PWP1: variants seen among roughly 807,000 people sequenced by gnomAD.
PWP1 encodes the protein PWP1 homolog, endonuclein, also known as periodic tryptophan protein 1 homolog.
In PWP1, 47 loss-of-function variants were observed where a neutral mutation model predicts 69.9. That is an observed-to-expected ratio of 0.67 (90% confidence interval 0.53 to 0.86). PWP1 has a LOEUF of 0.86. Ranked by LOEUF, PWP1 falls within the 40% of genes least tolerant of loss-of-function variation. PWP1 has a pLI of 0.00. For missense variants in PWP1, 551 were observed against 608.8 expected, an observed-to-expected ratio of 0.91 and a Z score of 1.00; for synonymous variants, 222 against 208.2, an observed-to-expected ratio of 1.07 and a Z score of -0.57.
chr12:107,712,385 G>C lies in PWP1; in HGVS notation c.*165G>C, dbSNP rs774181037. ...GTGGCACCACAAATATCCGGTCTTT[G>C]TGCTTGCTCTTCAGATGGATGGTTT... On this transcript the variant is annotated 3_prime_UTR_variant, in exon 15 of 15. Coordinates refer to ENST00000412830, the MANE Select transcript of PWP1 (RefSeq NM_007062.3). The C allele has an allele frequency of 9.1e-6, 5 of 549,422 alleles. No individual in the cohort carries two copies. Among genetic ancestry groups the C allele is most frequent in the African/African-American group, 1.9e-5 (1 of 53,088 alleles). 34.0% of individuals were successfully genotyped at this position (549,422 alleles called of 1,614,324 possible).
intron 8 of PWP1, among the ~76,000 whole-genome samples, chr12:107,701,991 CT>C (rs1889721169): frequency 6.6e-6 from 1 of 152,006 alleles, no homozygotes; most frequent in East Asian, 1.9e-4. Flanking sequence ...TTTGTTAAGA[CT>C]TTTTTCCCCA....
chr12:107,703,731 C>T lies in PWP1; in HGVS notation c.950C>T (p.Ser317Phe), dbSNP rs779473784. ...CCATTTGAAGCACAGACTCTGATTT[C>T]TGGCTCATATGATAAGTAAGAAAGC... The part of the protein sequence containing the change: ...FHPFEAQTLI[S>F]GSYDKSVALY... The change falls in exon 10 of 15, where the codon TCT (serine) becomes TTT (phenylalanine). Residue 317 changes from serine (S) to phenylalanine (F), a missense_variant. Coordinates refer to ENST00000412830, the MANE Select transcript of PWP1 (RefSeq NM_007062.3). The T allele has an allele frequency of 6.2e-7, 1 of 1,602,308 alleles. No individual in the cohort carries two copies. The highest frequency in any genetic ancestry group is 8.6e-7 in the Non-Finnish European group (1 of 1,169,376).
At chr12:107,689,271 A>G (rs1889435181) in intron 3 of PWP1, among the ~76,000 whole-genome samples, 2 of 152,204 alleles carry the variant, frequency 1.3e-5, no homozygotes, top group Non-Finnish European at 2.9e-5. Context: ...TGACTTTCAC[A>G]TAACTTTTAT....
In PWP1 at chr12:107,685,956, A is replaced by G; in HGVS notation, c.57A>G (p.Lys19=). The change falls in exon 1 of 15, where the codon AAA becomes AAG. Residue 19 remains lysine (K), a synonymous_variant. Coordinates refer to ENST00000412830, the MANE Select transcript of PWP1 (RefSeq NM_007062.3). ...CCTGGGTCCGCTGCGGCGTGGCCAA[A>G]GAGACACCAGACAAGGTGAGGCCTG... The part of the protein sequence containing the change: ...CVAWVRCGVA[K]ETPDKVELSK... The G allele has an allele frequency of 6.2e-7, 1 of 1,613,946 alleles. No homozygotes were observed. The highest frequency in any genetic ancestry group is 8.5e-7 in the Non-Finnish European group (1 of 1,179,964).
chr12:107,687,683 A>G (rs1303378898), intron 1 of PWP1, among the ~76,000 whole-genome samples: 1 of 151,972 alleles, frequency 6.6e-6, no homozygotes, highest in Admixed American at 6.6e-5. Flanking sequence ...GGAGGATCGC[A>G]TGAGCCCAGG....
intron 14 of PWP1, 32 bp downstream of exon 14, chr12:107,710,542 C>T: frequency 6.5e-7 from 1 of 1,548,776 alleles, no homozygotes; most frequent in Non-Finnish European, 8.7e-7. Context: ...CACACCTCCC[C>T]CTGCCCCTGT....
intron 11 of PWP1, among the ~76,000 whole-genome samples, chr12:107,708,613 C>T (rs904781053): frequency 6.6e-6 from 1 of 152,152 alleles, no homozygotes; most frequent in Non-Finnish European, 1.5e-5. Context: ...CCTCAGCCTG[C>T]AACTTGAGTA....
rs1227425916 is a variant in PWP1 at position 107,712,690 on chromosome 12, T to G, written c.*470T>G. On this transcript the variant is annotated 3_prime_UTR_variant, in exon 15 of 15. Transcript: ENST00000412830. ...CTGTTCTCAAATTAATGCTCATGATTGAGTATTCTCAGTGCAACTCGTAGA... is the reference window on the plus strand; with the variant it reads ...CTGTTCTCAAATTAATGCTCATGATGGAGTATTCTCAGTGCAACTCGTAGA... The G allele has an allele frequency of 6.5e-6, 1 of 153,426 alleles. No individual in the cohort carries two copies. Among genetic ancestry groups the G allele is most frequent in the Admixed American group, 6.5e-5 (1 of 15,400 alleles). The allele number at this position is 153,426 out of a possible 1,614,324, so 9.5% of individuals were successfully genotyped here.
intron 13 of PWP1, among the ~76,000 whole-genome samples, chr12:107,709,856 CTTATTT>C (rs903393274): frequency 1.3e-5 from 2 of 151,980 alleles, no homozygotes; most frequent in African/African-American, 4.8e-5. Flanking sequence ...CCATCTCATG[CTTATTT>C]TTAAGTGCAT....
Position 107,713,121 on chromosome 12 carries a change from T to TATA in PWP1, c.*902_*904dup, listed in dbSNP as rs1300917009. The TATA allele has an allele frequency of 1.3e-5, 2 of 152,204 alleles. No individual in the cohort carries two copies. Among genetic ancestry groups the TATA allele is most frequent in the Non-Finnish European group, 2.9e-5 (2 of 68,038 alleles). 9.4% of individuals were successfully genotyped at this position (152,204 alleles called of 1,614,324 possible). On this transcript the variant is annotated 3_prime_UTR_variant, in exon 15 of 15. Coordinates refer to ENST00000412830, the MANE Select transcript of PWP1 (RefSeq NM_007062.3). ...ACGTGGGTTCACCAAAACACCTTTT[T>TATA]ATACAAAAGACAGATGTGTGAATTA...
At chr12:107,711,288 C>T (rs895126017) in intron 14 of PWP1, among the ~76,000 whole-genome samples, 9 of 152,284 alleles carry the variant, frequency 5.9e-5, no homozygotes, top group Middle Eastern at 3.4e-3. Flanking sequence ...GCAGGCCAGG[C>T]GTTCCTTGCC....
intron 7 of PWP1, among the ~76,000 whole-genome samples, chr12:107,697,994 C>G (rs1889625957): frequency 6.6e-6 from 1 of 152,146 alleles, no homozygotes; most frequent in Non-Finnish European, 1.5e-5. Context: ...ACTCCTGCAG[C>G]TTTTAAAATC....
intron 1 of PWP1, among the ~76,000 whole-genome samples, 173 bp from the exon 2 acceptor site, chr12:107,688,275 A>C (rs1481857391): frequency 6.9e-6 from 1 of 144,644 alleles, no homozygotes; most frequent in African/African-American, 2.4e-5. Context: ...TCTTATTTGT[A>C]AGAATCTATA....
At chr12:107,699,949 C>G (rs570915906) in intron 8 of PWP1, among the ~76,000 whole-genome samples, 1 of 152,224 alleles carries the variant, frequency 6.6e-6, no homozygotes, top group South Asian at 2.1e-4. Flanking sequence ...GGGGAGGCCT[C>G]ACAGTTATGG....
intron 1 of PWP1, among the ~76,000 whole-genome samples, chr12:107,687,771 C>T (rs1349114178): frequency 6.6e-6 from 1 of 152,006 alleles, no homozygotes; most frequent in African/African-American, 2.4e-5. Context: ...GTGGCTCACG[C>T]CTGTAATCCC....
chr12:107,702,921 C>A lies in PWP1; in HGVS notation c.807-14C>A, dbSNP rs772905649. 3 of 1,531,476 alleles carry A rather than the reference C, an allele frequency of 2.0e-6. No individual in the cohort carries two copies. The East Asian group carries it at 6.7e-5, about 34-fold the overall frequency. The allele number at this position is 1,531,476 out of a possible 1,614,324, so 94.9% of individuals were successfully genotyped here. A position where few individuals can be genotyped will look rare whatever the true frequency, so the allele number is the denominator to read the frequency against. ...TTTTAAAAGATTACCTGATTGGATT[C>A]TTCCCTTTCTCAGAAATGTTTTAGC... On this transcript the variant is annotated splice_polypyrimidine_tract_variant and intron_variant, in intron 8 of 14. Coordinates refer to ENST00000412830, the MANE Select transcript of PWP1 (RefSeq NM_007062.3).
At chr12:107,688,232 A>G (rs1889411246) in intron 1 of PWP1, among the ~76,000 whole-genome samples, 1 of 152,110 alleles carries the variant, frequency 6.6e-6, no homozygotes, top group Non-Finnish European at 1.5e-5. Context: ...GAGTAGAATG[A>G]GCATGATTTT....
chr12:107,708,010 C>G (rs1889860902), intron 11 of PWP1, among the ~76,000 whole-genome samples: 1 of 152,160 alleles, frequency 6.6e-6, no homozygotes. Context: ...TTCTGAGATA[C>G]TTAATCTCAA....
chr12:107,709,258 T>C, intron 13 of PWP1, 26 bp downstream of exon 13: 1 of 1,607,520 alleles, frequency 6.2e-7, no homozygotes, highest in Non-Finnish European at 8.5e-7. Flanking sequence ...GGTATCTGTT[T>C]TTTATTTATT....
Sources: gnomAD v4.1 joint callset for allele counts (sites outside exome capture counted in the v4.1 genomes callset) on GRCh38, gnomAD v4.1.1 for gene constraint, MANE v1.5 for transcripts, NCBI Gene and HGNC (gene_info 2026-07-23, HGNC 2026-07-21) for gene names.